Variants in EXOC3 observed in about 807,000 individuals in gnomAD.
EXOC3 encodes the protein SEC6-like 1.
Under a neutral mutation model 73.7 loss-of-function variants are expected in EXOC3, and 21 were observed. That is an observed-to-expected ratio of 0.29 (90% CI 0.20 to 0.41). EXOC3 has a LOEUF of 0.41. Among genes scored for constraint, EXOC3 ranks in the 10% least tolerant of loss-of-function variants. The pLI is 1.00. For missense variants in EXOC3, 842 were observed against 985.1 expected (o/e 0.85, Z 1.95); for synonymous variants, 410 against 389.1 (o/e 1.05, Z -0.63).
intron 12 of EXOC3, chr5:466,468 G>A (rs1286875396): frequency 2.1e-6 from 1 of 485,080 alleles, no homozygotes; most frequent in Non-Finnish European, 3.7e-6. Context: ...AGCTCTCCAC[G>A]GTCTCCCCTC....
chr5:462,885 C>T (rs1316013305), intron 9 of EXOC3, among the ~76,000 whole-genome samples: 1 of 152,166 alleles, frequency 6.6e-6, no homozygotes, highest in African/African-American at 2.4e-5. Context: ...GTAGGCGGAT[C>T]ACCTGAGGTT....
At chr5:459,575 C>T (rs1737922760) in intron 7 of EXOC3, 116 bp downstream of exon 7, 1 of 560,466 alleles carries the variant, frequency 1.8e-6, no homozygotes. Flanking sequence ...CGGTAGATTC[C>T]CCACGTGTCA....
At chr5:448,291 G>A (rs1258899995) in intron 3 of EXOC3, among the ~76,000 whole-genome samples, 1 of 152,194 alleles carries the variant, frequency 6.6e-6, no homozygotes, top group Non-Finnish European at 1.5e-5. Flanking sequence ...CAGTTAGAAG[G>A]ATGCCAAGGG....
chr5:450,302 A>G (rs1053346064), intron 3 of EXOC3, among the ~76,000 whole-genome samples: 3 of 152,110 alleles, frequency 2.0e-5, no homozygotes, highest in Admixed American at 6.5e-5. Context: ...TGCCCCATTA[A>G]TTGTTTAAGA....
Position 465,832 on chromosome 5 carries a change from T to C in EXOC3, c.2053T>C (p.Tyr685His). 1 of 1,611,116 alleles carries C rather than the reference T, an allele frequency of 6.2e-7. No homozygotes were observed. The highest frequency in any genetic ancestry group is 8.5e-7 in the Non-Finnish European group (1 of 1,178,760). ...GGAGGTCTCCACTCTGGTCAGCAAG[T>C]ATCCAGACATCAGGTAAGGGATGCA... ...YLEVSTLVSK[Y>H]PDIRDDHIGA... The change falls in exon 12 of 13, where the codon TAT (tyrosine) becomes CAT (histidine). Residue 685 changes from tyrosine to histidine, a missense_variant. Coordinates refer to ENST00000512944, the MANE Select transcript of EXOC3 (RefSeq NM_007277.5).
chr5:454,063 C>A lies in EXOC3; in HGVS notation c.1046+12C>A. 1 of 1,576,682 alleles carries A rather than the reference C, an allele frequency of 6.3e-7. No individual in the cohort carries two copies. The highest frequency in any genetic ancestry group is 2.3e-5 in the East Asian group (1 of 43,148). ...AACACCTACACAAGGTAAAGCTAAC[C>A]TGGCGCCTGTGTTGGCTCTTAGGTA... On this transcript the variant is annotated intron_variant, in intron 4 of 12. Transcript: ENST00000512944.
chr5:448,754 C>T (rs1183858618), intron 3 of EXOC3, among the ~76,000 whole-genome samples: 1 of 152,242 alleles, frequency 6.6e-6, no homozygotes, highest in Non-Finnish European at 1.5e-5. Flanking sequence ...GTCCTCTCTG[C>T]CCTCCTCTCG....
In EXOC3 at chr5:462,198, A is replaced by C; in HGVS notation, c.1544A>C (p.Glu515Ala). Residue 515 changes from glutamate (E) to alanine (A), a missense_variant, in exon 9 of 13, where the codon GAA becomes GCA. By Grantham distance (107) the Glu-to-Ala change is moderately radical (BLOSUM62 -1). Coordinates refer to ENST00000512944, the MANE Select transcript of EXOC3 (RefSeq NM_007277.5). ...VSLKRKYLKN[E>A]VEEGVSPSQP... Reference sequence around the variant, plus strand: ...TTAAAAAGAAAGTATTTAAAGAATGAAGTGGAAGAGGGTGTGTCTCCGAGC... The same window carrying C: ...TTAAAAAGAAAGTATTTAAAGAATGCAGTGGAAGAGGGTGTGTCTCCGAGC... 2 of 1,613,982 alleles carry C rather than the reference A, an allele frequency of 1.2e-6. No homozygotes were observed. The highest frequency in any genetic ancestry group is 1.6e-4 in the Middle Eastern group (1 of 6,062).
intron 4 of EXOC3, among the ~76,000 whole-genome samples, chr5:456,656 T>C (rs1579739743): frequency 6.6e-6 from 1 of 151,802 alleles, no homozygotes; most frequent in African/African-American, 2.4e-5. Flanking sequence ...TGCCCTGCAC[T>C]TTCCCCGGTT....
intron 7 of EXOC3, among the ~76,000 whole-genome samples, chr5:459,804 C>T (rs1029750873): frequency 3.3e-5 from 5 of 152,230 alleles, no homozygotes; most frequent in Admixed American, 1.3e-4. Flanking sequence ...GTGCCTACTT[C>T]GTAGTGGGGA....
intron 10 of EXOC3, 115 bp downstream of exon 10, chr5:464,527 C>T: frequency 2.5e-6 from 3 of 1,211,668 alleles, no homozygotes; most frequent in Admixed American, 3.5e-5. Flanking sequence ...ACTTGTTGTC[C>T]TATCAGCCCA....
chr5:461,654 C>T lies in EXOC3; in HGVS notation c.1392-306C>T, dbSNP rs574406545. ...ACAAGGTCTGATTAGGTTACCCCGA[C>T]GGGTAGCTCACTGCAGCGCAGCCAG... is the stretch of plus-strand genomic sequence containing the variant. On this transcript the variant is annotated intron_variant, in intron 7 of 12. Transcript: ENST00000512944. 1.1e-3 allele frequency: 379 copies of T among 337,512 alleles called. 1 individual carries two copies. Among genetic ancestry groups the T allele is most frequent in the Non-Finnish European group, 1.4e-3 (258 of 182,496 alleles). 20.9% of individuals were successfully genotyped at this position (337,512 alleles called of 1,614,324 possible). A position where few individuals can be genotyped will look rare whatever the true frequency, so the allele number is the denominator to read the frequency against.
Position 465,756 on chromosome 5 carries a change from C to T in EXOC3, c.1977C>T (p.Ile659=), listed in dbSNP as rs753222430. 2.5e-6 allele frequency: 4 copies of T among 1,613,770 alleles called. No individual in the cohort carries two copies. Among genetic ancestry groups the T allele is most frequent in the South Asian group, 1.1e-5 (1 of 91,074 alleles). The change falls in exon 12 of 13, where the codon ATC becomes ATT. Residue 659 remains isoleucine (I), a synonymous_variant. Coordinates refer to ENST00000512944, the MANE Select transcript of EXOC3 (RefSeq NM_007277.5). ...GEDVDGYCDT[I]VAVAEVIKLT... ...ACGTGGACGGATACTGCGACACCAT[C>T]GTGGCTGTGGCCGAAGTGATCAAGC... is the stretch of plus-strand genomic sequence containing the variant.
intron 6 of EXOC3, among the ~76,000 whole-genome samples, 177 bp from the exon 7 acceptor site, chr5:459,180 GTT>G (rs35612609): frequency 2.8e-4 from 41 of 147,074 alleles, no homozygotes; most frequent in South Asian, 4.3e-4. Context: ...TGAGAAAGTT[GTT>G]TTTTTTTTTT....
At chr5:461,377 G>A (rs1289000975) in intron 7 of EXOC3, among the ~76,000 whole-genome samples, 1 of 152,208 alleles carries the variant, frequency 6.6e-6, no homozygotes, top group African/African-American at 2.4e-5. Context: ...CACTTTGGGA[G>A]GCTGAGGCGG....
intron 12 of EXOC3, 36 bp from the exon 13 acceptor site, chr5:466,691 C>T: frequency 6.3e-7 from 1 of 1,590,348 alleles, no homozygotes; most frequent in African/African-American, 1.3e-5. Context: ...CACAGGGCTG[C>T]TAAGTGGGCA....
intron 6 of EXOC3, among the ~76,000 whole-genome samples, chr5:458,668 C>A (rs1415654836): frequency 6.6e-6 from 1 of 152,252 alleles, no homozygotes; most frequent in Non-Finnish European, 1.5e-5. Context: ...TGTCCGACCG[C>A]CCTGTGTCCC....
intron 4 of EXOC3, 66 bp downstream of exon 4, chr5:454,117 T>C (rs2126578434): frequency 7.3e-7 from 1 of 1,368,972 alleles, no homozygotes; most frequent in African/African-American, 1.4e-5. Flanking sequence ...GGCCTGCAGC[T>C]GCTTGCTGGA....
In EXOC3 at chr5:443,235, C is replaced by CGGCGGG. The variant is rs1737385862; in HGVS notation, c.-107_-106insGGGCGG. The CGGCGGG allele has an allele frequency of 6.8e-4, 2 of 2,924 alleles. No homozygotes were observed. The highest frequency in any genetic ancestry group is 1.8e-3 in the Non-Finnish European group (2 of 1,108). The allele number at this position is 2,924 out of a possible 1,614,324, so 0.2% of individuals were successfully genotyped here. A position where few individuals can be genotyped will look rare whatever the true frequency, so the allele number is the denominator to read the frequency against. On this transcript the variant is annotated 5_prime_UTR_variant, in exon 1 of 13. Transcript: ENST00000512944. ...AAGGCGGAGGGGGCGGCGGGGGCGG[C>CGGCGGG]GGCGGCGGCGGCGGCGGCGGCGGCG...
Sources: gnomAD v4.1 joint callset for allele counts (sites outside exome capture counted in the v4.1 genomes callset) on GRCh38, gnomAD v4.1.1 for gene constraint, MANE v1.5 for transcripts, NCBI Gene and HGNC (gene_info 2026-07-23, HGNC 2026-07-21) for gene names.